The following CFAP47 variants were observed in gnomAD, a reference collection of about 807,000 sequenced individuals.
CFAP47 encodes the protein cilia and flagella associated protein 47.
A neutral mutation model predicts 148.1 loss-of-function variants in CFAP47; 29 were observed. That is an observed-to-expected ratio of 0.20 (90% CI 0.15 to 0.27). The LOEUF is 0.27. CFAP47 is among the 10% of genes least tolerant of loss of function. The pLI is 1.00. For missense variants in CFAP47, 1,872 were observed against 1,697.5 expected, an observed-to-expected ratio of 1.10 and a Z score of -1.81; for synonymous variants, 664 against 577.3, an observed-to-expected ratio of 1.15 and a Z score of -2.15.
chrX:36,192,671 T>G (rs1318692533), intron 42 of CFAP47, among the ~76,000 whole-genome samples: 1 of 111,430 alleles, frequency 9.0e-6, no homozygotes, highest in Non-Finnish European at 1.9e-5. Context: ...CAACAAACCT[T>G]CAGTGTTTTT....
intron 35 of CFAP47, chrX:36,144,968 T>G: frequency 3.2e-6 from 2 of 618,908 alleles, no homozygotes; most frequent in Non-Finnish European, 4.6e-6. Flanking sequence ...TGGGAGCCCC[T>G]ATTGGCTTCT....
In CFAP47 at chrX:36,306,864, C is replaced by G. The variant is rs1941354391; in HGVS notation, c.8175C>G (p.Phe2725Leu). 9.0e-7 allele frequency: 1 copy of G among 1,109,845 alleles called. No individual in the cohort carries two copies. Among genetic ancestry groups the G allele is most frequent in the South Asian group, 2.0e-5 (1 of 49,499 alleles). The allele number at this position is 1,109,845 out of a possible 1,213,427, so 91.5% of individuals were successfully genotyped here. The change falls in exon 55 of 64, where the codon TTC (phenylalanine) becomes TTG (leucine). Residue 2725 changes from phenylalanine (F) to leucine (L), a missense_variant. By Grantham distance (22) the Phe-to-Leu change is conservative. Transcript: ENST00000378653. ...GRADHQACIN[F>L]YCTQFTEWKF... ...CTGATCATCAAGCTTGCATCAACTT[C>G]TACTGTACTCAGGTATGATAGAGTA...
At chrX:35,986,365 A>T (rs182100418) in intron 15 of CFAP47, among the ~76,000 whole-genome samples, 1 of 107,250 alleles carries the variant, frequency 9.3e-6, no homozygotes, top group East Asian at 3.0e-4. Flanking sequence ...TGATCTTCAA[A>T]CTCTGATATC....
chrX:36,155,274 G>A (rs1939354269), intron 37 of CFAP47, among the ~76,000 whole-genome samples: 1 of 111,415 alleles, frequency 9.0e-6, no homozygotes, highest in Non-Finnish European at 1.9e-5. Context: ...AGTGTTCCCT[G>A]TTAAAAGATT....
intron 35 of CFAP47, among the ~76,000 whole-genome samples, chrX:36,140,524 TC>T (rs199869781): frequency 0.098 from 10,867 of 110,912 alleles, 1,060 homozygotes; most frequent in African/African-American, 0.3. Context: ...TAATTGAAAG[TC>T]GGCTTAGCAG....
chrX:36,358,895 C>T (rs1468079782), intron 60 of CFAP47, among the ~76,000 whole-genome samples: 1 of 111,475 alleles, frequency 9.0e-6, no homozygotes, highest in African/African-American at 3.3e-5. Flanking sequence ...GTCTCTTCCT[C>T]TGGAATCCTT....
At position 36,137,938 on chromosome X, in the gene CFAP47, C is replaced by T. The variant is rs765222396; in HGVS notation, c.5321-20C>T. Reference sequence around the variant, plus strand: ...AAGTAAAACTATTGTTGTATTTACTCTCCCTCTTTTTTGAAACAGATGTTA... The same window carrying T: ...AAGTAAAACTATTGTTGTATTTACTTTCCCTCTTTTTTGAAACAGATGTTA... On this transcript the variant is annotated intron_variant, in intron 33 of 63. Coordinates refer to ENST00000378653, the MANE Select transcript of CFAP47 (RefSeq NM_001304548.2). 180 of 577,594 alleles carry T rather than the reference C, an allele frequency of 3.1e-4. 1 individual carries two copies. The South Asian group carries it at 5.0e-3, about 16-fold the overall frequency. The allele number at this position is 577,594 out of a possible 1,213,427, so 47.6% of individuals were successfully genotyped here.
In CFAP47 at chrX:35,941,153, C is replaced by A. The variant is rs187720254; in HGVS notation, c.402-130C>A. 1,433 of 382,287 alleles carry A rather than the reference C, an allele frequency of 3.7e-3. 7 individuals are homozygous for A. Among genetic ancestry groups the A allele is most frequent in the Non-Finnish European group, 4.6e-3 (1,007 of 220,762 alleles). The allele number at this position is 382,287 out of a possible 1,213,427, so 31.5% of individuals were successfully genotyped here. ...TTCCTTTTATTGACAAACATGCCACCAGTAGACCTGTAAATAAACTGAAAT... is the reference window on the plus strand; with the variant it reads ...TTCCTTTTATTGACAAACATGCCACAAGTAGACCTGTAAATAAACTGAAAT... On this transcript the variant is annotated intron_variant, in intron 2 of 63. Transcript: ENST00000378653.
chrX:36,384,804 A>G lies in CFAP47; in HGVS notation c.9362A>G (p.Glu3121Gly). ...YKATLVIQTE[E>G]MYWKYEINGL... Reference sequence around the variant, plus strand: ...CTCCCTCTTTCTATCCAGACAGAAGAAATGTACTGGAAGTATGAGATCAAT... The same window carrying G: ...CTCCCTCTTTCTATCCAGACAGAAGGAATGTACTGGAAGTATGAGATCAAT... Residue 3121 changes from glutamate (E) to glycine (G), a missense_variant, in exon 64 of 64, where the codon GAA becomes GGA. Coordinates refer to ENST00000378653, the MANE Select transcript of CFAP47 (RefSeq NM_001304548.2). The G allele has an allele frequency of 8.6e-7, 1 of 1,162,027 alleles. No individual in the cohort carries two copies. Among genetic ancestry groups the G allele is most frequent in the Non-Finnish European group, 1.2e-6 (1 of 867,906 alleles).
chrX:35,938,061 A>G (rs1299933541), intron 2 of CFAP47, among the ~76,000 whole-genome samples: 1 of 111,749 alleles, frequency 8.9e-6, no homozygotes, highest in Non-Finnish European at 1.9e-5. Context: ...AACACTTGTA[A>G]AGAGGTAATG....
At chrX:36,346,911 T>C (rs781962654) in intron 57 of CFAP47, among the ~76,000 whole-genome samples, 8 of 111,822 alleles carry the variant, frequency 7.2e-5, no homozygotes, top group African/African-American at 2.3e-4. Flanking sequence ...CCAAAAGCAA[T>C]GGCAACAAAA....
chrX:36,167,275 G>A (rs888848086), intron 39 of CFAP47, among the ~76,000 whole-genome samples: 2 of 111,329 alleles, frequency 1.8e-5, no homozygotes, highest in African/African-American at 6.5e-5. Context: ...AAGCGATTAG[G>A]AGCTATTCAT....
intron 51 of CFAP47, among the ~76,000 whole-genome samples, chrX:36,287,332 T>C (rs782792978): frequency 1.2e-4 from 13 of 111,598 alleles, no homozygotes; most frequent in Non-Finnish European, 1.7e-4. Context: ...ACTGATTTCC[T>C]ATAAGTTTTC....
chrX:36,242,145 G>A (rs1276552512), intron 48 of CFAP47, among the ~76,000 whole-genome samples: 1 of 112,170 alleles, frequency 8.9e-6, no homozygotes, highest in Non-Finnish European at 1.9e-5. Flanking sequence ...TATTGTTTCT[G>A]AAAACATCCA....
In CFAP47 at chrX:35,971,716, C is replaced by A. The variant is rs1230766494; in HGVS notation, c.2101C>A (p.Arg701=). The change falls in exon 12 of 64, where the codon CGA becomes AGA. Residue 701 remains arginine, a synonymous_variant. Coordinates refer to ENST00000378653, the MANE Select transcript of CFAP47 (RefSeq NM_001304548.2). The part of the protein sequence containing the change: ...SSAANSIRAN[R]LLTTRGIASQ... ...AGCAGCAAATTCAATTAGAGCGAAT[C>A]GATTGTTAACCACCAGGGGTATAGC... 5.0e-6 allele frequency: 6 copies of A among 1,209,139 alleles called. No individual in the cohort carries two copies. Among genetic ancestry groups the A allele is most frequent in the Non-Finnish European group, 6.7e-6 (6 of 894,802 alleles).
chrX:36,132,674 G>A (rs1471987338), intron 33 of CFAP47, among the ~76,000 whole-genome samples: 2 of 111,887 alleles, frequency 1.8e-5, no homozygotes, highest in Admixed American at 9.5e-5. Context: ...TACAGGCATA[G>A]GATCAGAGAT....
intron 56 of CFAP47, among the ~76,000 whole-genome samples, chrX:36,314,805 A>G (rs963432825): frequency 8.9e-6 from 1 of 111,967 alleles, no homozygotes; most frequent in African/African-American, 3.2e-5. Context: ...TACTATCATA[A>G]GGAATCCAAC....
intron 62 of CFAP47, among the ~76,000 whole-genome samples, chrX:36,376,967 G>GGCTGCATAGTATTCC (rs1942029955): frequency 9.0e-6 from 1 of 110,576 alleles, no homozygotes; most frequent in African/African-American, 3.3e-5. Context: ...TCCTTTTTAT[G>GGCTGCATAGTATTCC]GCTGCATAGT....
intron 33 of CFAP47, among the ~76,000 whole-genome samples, chrX:36,132,921 A>G (rs1469343324): frequency 8.9e-6 from 1 of 111,761 alleles, no homozygotes; most frequent in Non-Finnish European, 1.9e-5. Flanking sequence ...CCACCCTTAT[A>G]ACAACAATGA....
Sources: gnomAD v4.1 joint callset for allele counts (sites outside exome capture counted in the v4.1 genomes callset) on GRCh38, gnomAD v4.1.1 for gene constraint, MANE v1.5 for transcripts, NCBI Gene and HGNC (gene_info 2026-07-23, HGNC 2026-07-21) for gene names.